Variants in EXOC4 observed in about 807,000 individuals in gnomAD.
EXOC4 encodes the protein SEC8-like 1.
Under a neutral mutation model 107.2 loss-of-function variants are expected in EXOC4, and 71 were observed. That is an observed-to-expected ratio of 0.66 (90% confidence interval 0.55 to 0.81). The LOEUF (loss-of-function observed/expected upper bound fraction) is 0.81, where lower values mean the gene tolerates loss of function less well. EXOC4 is among the 30% of genes least tolerant of loss of function. EXOC4 has a pLI of 0.00. For synonymous variants in EXOC4, 456 were observed against 441.2 expected (o/e 1.03, Z -0.42); for missense variants, 1,108 against 1,189.6 (o/e 0.93, Z 1.01).
chr7:133,733,443 G>A (rs1369794947), intron 10 of EXOC4: 2 of 152,482 alleles, frequency 1.3e-5, no homozygotes, highest in East Asian at 3.9e-4. Context: ...AGTGAGCCAG[G>A]ATCACGCTGC....
At chr7:133,883,890 C>T (rs1799021129) in intron 11 of EXOC4, among the ~76,000 whole-genome samples, 1 of 152,146 alleles carries the variant, frequency 6.6e-6, no homozygotes, top group Admixed American at 6.5e-5. Context: ...TTAAACATCA[C>T]ACAAATCAAA....
chr7:133,555,679 A>G (rs1453983347), intron 9 of EXOC4, among the ~76,000 whole-genome samples: 2 of 152,190 alleles, frequency 1.3e-5, no homozygotes, highest in East Asian at 1.9e-4. Context: ...ATTGTTAGCT[A>G]TTATAACATA....
At chr7:133,958,466 ATATGCCTATTT>A (rs1294520520) in intron 14 of EXOC4, among the ~76,000 whole-genome samples, 1 of 152,190 alleles carries the variant, frequency 6.6e-6, no homozygotes, top group Non-Finnish European at 1.5e-5. Context: ...ATATTTAATT[ATATGCCTATTT>A]TATCCCTTGC....
At chr7:133,650,574 C>T in intron 10 of EXOC4, among the ~76,000 whole-genome samples, 1 of 152,004 alleles carries the variant, frequency 6.6e-6, no homozygotes, top group East Asian at 1.9e-4. Flanking sequence ...ATTATAAGCC[C>T]TAATTCATGC....
chr7:133,260,134 C>A (rs901124488), intron 1 of EXOC4, among the ~76,000 whole-genome samples: 1 of 152,270 alleles, frequency 6.6e-6, no homozygotes, highest in East Asian at 1.9e-4. Context: ...TTGTCAAAAA[C>A]CAATTTACTT....
At chr7:134,002,434 A>G (rs1794550693) in intron 15 of EXOC4, among the ~76,000 whole-genome samples, 1 of 152,188 alleles carries the variant, frequency 6.6e-6, no homozygotes, top group African/African-American at 2.4e-5. Flanking sequence ...CTGAAATGTG[A>G]CACTAAAAAT....
intron 1 of EXOC4, among the ~76,000 whole-genome samples, chr7:133,255,330 C>A (rs534609325): frequency 2.0e-5 from 3 of 152,228 alleles, no homozygotes; most frequent in African/African-American, 7.2e-5. Context: ...GCGTGCGCCA[C>A]CACACCCACC....
At chr7:133,479,676 G>C (rs2150857832) in intron 8 of EXOC4, 1 of 214,418 alleles carries the variant, frequency 4.7e-6, no homozygotes, top group South Asian at 8.6e-5. Flanking sequence ...GGTGACTTCT[G>C]AGCTGGATGG....
intron 11 of EXOC4, 36 bp downstream of exon 11, chr7:133,817,580 C>A: frequency 1.4e-6 from 2 of 1,454,252 alleles, no homozygotes; most frequent in Non-Finnish European, 1.9e-6. Flanking sequence ...TTTTTATCAG[C>A]AATTTTCATT....
At chr7:133,776,999 C>A (rs1796358568) in intron 10 of EXOC4, among the ~76,000 whole-genome samples, 1 of 152,078 alleles carries the variant, frequency 6.6e-6, no homozygotes. Flanking sequence ...CAAAAAGGAG[C>A]AGGAGCTTTA....
chr7:133,451,287 G>A (rs1186041575), intron 7 of EXOC4, among the ~76,000 whole-genome samples: 1 of 151,618 alleles, frequency 6.6e-6, no homozygotes, highest in Admixed American at 6.6e-5. Flanking sequence ...GATCGTGTTG[G>A]GTATTACCAG....
At chr7:133,988,861 A>G (rs1167170937) in intron 14 of EXOC4, among the ~76,000 whole-genome samples, 2 of 152,214 alleles carry the variant, frequency 1.3e-5, no homozygotes, top group Non-Finnish European at 2.9e-5. Context: ...AGAAATAAAA[A>G]ATCTTGGAAA....
At chr7:133,463,129 G>A (rs1025352670) in intron 7 of EXOC4, among the ~76,000 whole-genome samples, 23 of 152,086 alleles carry the variant, frequency 1.5e-4, no homozygotes, top group African/African-American at 5.6e-4. Context: ...GATGAGTATG[G>A]GAATGAAAAT....
At chr7:133,636,093 T>C (rs979588992) in intron 10 of EXOC4, among the ~76,000 whole-genome samples, 1 of 152,180 alleles carries the variant, frequency 6.6e-6, no homozygotes, top group African/African-American at 2.4e-5. Flanking sequence ...GAACACATTC[T>C]AAGTTTTGAT....
intron 9 of EXOC4, among the ~76,000 whole-genome samples, chr7:133,624,993 A>G (rs911896553): frequency 2.6e-5 from 4 of 152,258 alleles, no homozygotes; most frequent in South Asian, 4.1e-4. Context: ...AAGACTAGAG[A>G]AAGTTCTTTC....
At chr7:133,857,471 G>T (rs1798440894) in intron 11 of EXOC4, among the ~76,000 whole-genome samples, 1 of 114,154 alleles carries the variant, frequency 8.8e-6, no homozygotes. Flanking sequence ...GCCTCTGCTT[G>T]AGTTTCACTC....
rs762526711 is a variant in EXOC4, at chr7:134,004,904, T to C, written c.2349-8T>C. 1 of 1,608,816 alleles carries C rather than the reference T, an allele frequency of 6.2e-7. No homozygotes were observed. The highest frequency in any genetic ancestry group is 8.5e-7 in the Non-Finnish European group (1 of 1,176,856). ...ATTAACTGCTCTCCCTATCTCTCTC[T>C]TTTTCAGGGTTCACTGTTTCCACTA... On this transcript the variant is annotated splice_polypyrimidine_tract_variant and splice_region_variant and intron_variant, in intron 15 of 17. Transcript: ENST00000253861.
At chr7:133,487,234 T>G (rs1034065818) in intron 9 of EXOC4, among the ~76,000 whole-genome samples, 4 of 152,182 alleles carry the variant, frequency 2.6e-5, no homozygotes, top group Non-Finnish European at 4.4e-5. Flanking sequence ...TCTTGAGATA[T>G]GATACTTGGT....
intron 6 of EXOC4, among the ~76,000 whole-genome samples, chr7:133,365,830 T>A (rs1403468340): frequency 2.0e-5 from 3 of 152,186 alleles, no homozygotes; most frequent in Non-Finnish European, 4.4e-5. Flanking sequence ...ACAAAGACCA[T>A]TTTTATCTAA....
Sources: allele counts gnomAD v4.1 joint callset (sites outside exome capture counted in the v4.1 genomes callset), GRCh38; gene constraint gnomAD v4.1.1; transcripts MANE v1.5; gene names NCBI Gene and HGNC (gene_info 2026-07-23, HGNC 2026-07-21).